The following UNC13A variants were observed in gnomAD, a reference collection of about 807,000 sequenced individuals.
UNC13A encodes the protein protein unc-13 homolog A.
Under a neutral mutation model 219.7 loss-of-function variants are expected in UNC13A, and 61 were observed. The ratio of observed to expected loss-of-function variants is 0.28; its 90% CI spans 0.23 to 0.34. The LOEUF is 0.34. UNC13A is among the 10% of genes least tolerant of loss of function. The probability of loss-of-function intolerance (pLI) is 1.00; values close to 1 mark genes in which losing one functional copy is unlikely to be tolerated. For missense variants in UNC13A, 1,476 were observed against 2,270.3 expected (o/e 0.65, Z 7.11); for synonymous variants, 920 against 884.6 (o/e 1.04, Z -0.71).
rs181095374 is a variant in UNC13A at position 17,671,797 on chromosome 19, A to G, written c.270+581T>C. On this transcript the variant is annotated intron_variant, in intron 4 of 43. Coordinates refer to ENST00000519716, the MANE Select transcript of UNC13A (RefSeq NM_001080421.3). ...TCAAAAATAAATAATTAAATAAAAA[A>G]TAGACATCACTACTACCTGCTGACA... Among the ~76,000 whole-genome samples, 322 of 152,208 alleles carry G rather than the reference A, an allele frequency of 2.1e-3. 1 individual carries two copies. Among genetic ancestry groups the G allele is most frequent in the African/African-American group, 7.4e-3 (306 of 41,520 alleles).
In UNC13A at chr19:17,630,145, C is replaced by T; in HGVS notation, c.3669G>A (p.Lys1223=). The part of the protein sequence containing the change: ...IVGHYMRRFA[K]TISNVLLQYA... Reference sequence around the variant, plus strand: ...CCCAACCCTACCCACTCTCCCACACCTTGGCAAAGCGCCTCATGTAGTGCC... The same window carrying T: ...CCCAACCCTACCCACTCTCCCACACTTTGGCAAAGCGCCTCATGTAGTGCC... Residue 1223 remains lysine, a splice_region_variant and synonymous_variant, in exon 30 of 44, where the codon AAG becomes AAA. Coordinates refer to ENST00000519716, the MANE Select transcript of UNC13A (RefSeq NM_001080421.3). 1.3e-6 allele frequency: 2 copies of T among 1,551,918 alleles called. No individual in the cohort carries two copies. The highest frequency in any genetic ancestry group is 1.7e-6 in the Non-Finnish European group (2 of 1,147,042).
At chr19:17,686,289 G>T (rs1315980840) in intron 1 of UNC13A, among the ~76,000 whole-genome samples, 1 of 92,970 alleles carries the variant, frequency 1.1e-5, no homozygotes, top group Non-Finnish European at 2.0e-5. Flanking sequence ...AGTTAAGGGT[G>T]AGATCCCCGC....
intron 16 of UNC13A, 101 bp from the exon 17 acceptor site, chr19:17,647,593 G>T: frequency 4.3e-6 from 5 of 1,162,190 alleles, no homozygotes; most frequent in East Asian, 2.5e-5. Flanking sequence ...GGGGGACTCA[G>T]GTGTCACCCC....
At chr19:17,626,072 TCCAC>T (rs1391555242) in intron 34 of UNC13A, among the ~76,000 whole-genome samples, 3 of 151,830 alleles carry the variant, frequency 2.0e-5, no homozygotes, top group African/African-American at 7.3e-5. Context: ...TATTCATCCA[TCCAC>T]CCATCTGTCC....
At chr19:17,617,595 C>T in intron 41 of UNC13A, 107 bp downstream of exon 41, 1 of 1,493,682 alleles carries the variant, frequency 6.7e-7, no homozygotes, top group East Asian at 2.3e-5. Flanking sequence ...GTCAATTCCG[C>T]CCCATCCATG....
intron 35 of UNC13A, 21 bp downstream of exon 35, chr19:17,624,808 C>A: frequency 2.5e-6 from 4 of 1,604,490 alleles, no homozygotes; most frequent in Non-Finnish European, 3.4e-6. Flanking sequence ...AATGTCCCCT[C>A]GGGCCCCCTG....
chr19:17,643,544 C>T (rs1334893586), intron 19 of UNC13A, among the ~76,000 whole-genome samples: 1 of 152,182 alleles, frequency 6.6e-6, no homozygotes, highest in East Asian at 1.9e-4. Context: ...GTCTCGAACT[C>T]CTGACCTCAG....
chr19:17,616,776 G>C (rs576052859), intron 41 of UNC13A, among the ~76,000 whole-genome samples: 2 of 152,134 alleles, frequency 1.3e-5, no homozygotes, highest in Non-Finnish European at 2.9e-5. Flanking sequence ...GGGGGAGAAG[G>C]GGGCCGTTGG....
chr19:17,644,127 G>A (rs1251550149), intron 19 of UNC13A, among the ~76,000 whole-genome samples: 2 of 152,084 alleles, frequency 1.3e-5, no homozygotes, highest in Non-Finnish European at 2.9e-5. Flanking sequence ...TTGATCTGTA[G>A]CAGCCATCTC....
At chr19:17,653,394 C>T (rs1046437640) in intron 11 of UNC13A, among the ~76,000 whole-genome samples, 1 of 151,914 alleles carries the variant, frequency 6.6e-6, no homozygotes, top group Non-Finnish European at 1.5e-5. Flanking sequence ...GTTGCCCAGG[C>T]TGGAGTGCAG....
chr19:17,683,477 G>A (rs1378663379), intron 1 of UNC13A, among the ~76,000 whole-genome samples: 2 of 151,618 alleles, frequency 1.3e-5, no homozygotes, highest in Non-Finnish European at 2.9e-5. Flanking sequence ...TAGTAGAGAT[G>A]AGAAACCCCA....
intron 5 of UNC13A, among the ~76,000 whole-genome samples, chr19:17,669,342 T>C (rs1404201328): frequency 6.6e-6 from 1 of 152,154 alleles, no homozygotes; most frequent in Non-Finnish European, 1.5e-5. Context: ...ACTGGGAAGC[T>C]ACGGGGCCCA....
chr19:17,631,980 G>T (rs188623728), intron 28 of UNC13A, among the ~76,000 whole-genome samples: 1 of 152,128 alleles, frequency 6.6e-6, no homozygotes, highest in East Asian at 1.9e-4. Flanking sequence ...GTGCAATCTC[G>T]GCTCACTGCA....
At chr19:17,664,969 G>A (rs2079614753) in intron 7 of UNC13A, among the ~76,000 whole-genome samples, 1 of 152,170 alleles carries the variant, frequency 6.6e-6, no homozygotes, top group Non-Finnish European at 1.5e-5. Flanking sequence ...GGAAGCTGAG[G>A]TGGGCAGATC....
intron 28 of UNC13A, among the ~76,000 whole-genome samples, chr19:17,631,094 TC>T (rs1228651169): frequency 7.0e-4 from 93 of 133,164 alleles, no homozygotes; most frequent in Middle Eastern, 8.0e-3. Context: ...CTTCCTTCCT[TC>T]CTTCCTTCTT....
At chr19:17,687,183 A>C (rs2145944248) in intron 1 of UNC13A, among the ~76,000 whole-genome samples, 1 of 152,156 alleles carries the variant, frequency 6.6e-6, no homozygotes, top group Admixed American at 6.5e-5. Context: ...CAGAGCCATA[A>C]AGGTGTGGGG....
At chr19:17,663,803 AT>A (rs952319486) in intron 7 of UNC13A, among the ~76,000 whole-genome samples, 4 of 149,514 alleles carry the variant, frequency 2.7e-5, no homozygotes, top group Admixed American at 6.7e-5. Context: ...CTTTTCTTTA[AT>A]TTTTTTTTTG....
At chr19:17,625,568 T>C (rs2076773544) in intron 34 of UNC13A, among the ~76,000 whole-genome samples, 1 of 151,888 alleles carries the variant, frequency 6.6e-6, no homozygotes, top group South Asian at 2.1e-4. Flanking sequence ...CATCCTTCCA[T>C]GCATCCTTCT....
At chr19:17,625,703 T>C (rs894265460) in intron 34 of UNC13A, among the ~76,000 whole-genome samples, 1 of 151,862 alleles carries the variant, frequency 6.6e-6, no homozygotes, top group African/African-American at 2.4e-5. Context: ...AATCCATCCA[T>C]CCATCGACCC....
Sources: gnomAD v4.1 joint callset for allele counts (sites outside exome capture counted in the v4.1 genomes callset) on GRCh38, gnomAD v4.1.1 for gene constraint, MANE v1.5 for transcripts, NCBI Gene and HGNC (gene_info 2026-07-23, HGNC 2026-07-21) for gene names.